The following ZC3H12B variants were observed in gnomAD, a reference collection of about 807,000 sequenced individuals.
The protein encoded by ZC3H12B is probable ribonuclease ZC3H12B.
A neutral mutation model predicts 43.9 loss-of-function variants in ZC3H12B; 7 were observed. That is an observed-to-expected ratio of 0.16 (90% CI 0.09 to 0.30). ZC3H12B has a LOEUF of 0.30. ZC3H12B is among the 10% of genes least tolerant of loss of function. The probability of loss-of-function intolerance (pLI) is 1.00; values close to 1 mark genes in which losing one functional copy is unlikely to be tolerated. For synonymous variants in ZC3H12B, 222 were observed against 241.7 expected, an observed-to-expected ratio of 0.92 and a Z score of 0.76; for missense variants, 475 against 670.2, an observed-to-expected ratio of 0.71 and a Z score of 3.22.
the ZC3H12B span, among the ~76,000 whole-genome samples, chrX:65,116,730 A>G: frequency 9.2e-6 from 1 of 108,807 alleles, no homozygotes; most frequent in Non-Finnish European, 1.9e-5. Context: ...CCCAAACCAC[A>G]ACAGGCCTCA....
the ZC3H12B span, among the ~76,000 whole-genome samples, chrX:65,238,100 T>G: frequency 8.9e-6 from 1 of 111,784 alleles, no homozygotes; most frequent in African/African-American, 3.2e-5. Context: ...CTCAATTTTT[T>G]GGAATAGATT....
At chrX:65,455,735 G>T (rs913446575) in intron 3 of ZC3H12B, among the ~76,000 whole-genome samples, 1 of 111,692 alleles carries the variant, frequency 9.0e-6, no homozygotes, top group Non-Finnish European at 1.9e-5. Context: ...GAGAAAAGTC[G>T]GGTTACCCAC....
intron 2 of ZC3H12B, among the ~76,000 whole-genome samples, chrX:65,387,894 T>G (rs1299241339): frequency 8.9e-6 from 1 of 112,405 alleles, no homozygotes; most frequent in Non-Finnish European, 1.9e-5. Context: ...TCTCCTTCAC[T>G]TATGAAGCTT....
the ZC3H12B span, among the ~76,000 whole-genome samples, chrX:65,134,961 A>G: frequency 1.8e-5 from 2 of 111,129 alleles, no homozygotes; most frequent in African/African-American, 3.3e-5. Context: ...AAGAAATTTC[A>G]TAAGGTAATG....
chrX:65,392,111 G>A (rs1291888131), intron 2 of ZC3H12B, among the ~76,000 whole-genome samples: 1 of 111,074 alleles, frequency 9.0e-6, no homozygotes, highest in Non-Finnish European at 1.9e-5. Context: ...ATCTCGGCTC[G>A]CTACAACCCC....
At chrX:65,346,973 C>A in the ZC3H12B span, among the ~76,000 whole-genome samples, 1 of 112,161 alleles carries the variant, frequency 8.9e-6, no homozygotes, top group East Asian at 2.8e-4. Context: ...ACTGCCTCCT[C>A]AAGTGGGTAC....
the ZC3H12B span, among the ~76,000 whole-genome samples, chrX:65,118,414 T>A: frequency 8.9e-6 from 1 of 112,033 alleles, no homozygotes; most frequent in South Asian, 3.7e-4. Flanking sequence ...ATTGATTTTG[T>A]ATCCTGAGAC....
chrX:65,095,504 C>T, the ZC3H12B span, among the ~76,000 whole-genome samples: 1 of 110,897 alleles, frequency 9.0e-6, no homozygotes, highest in Non-Finnish European at 1.9e-5. Flanking sequence ...AGTACAGAAA[C>T]CCACAAGCAG....
At chrX:65,377,991 C>T (rs1483632657) in intron 2 of ZC3H12B, among the ~76,000 whole-genome samples, 5 of 110,063 alleles carry the variant, frequency 4.5e-5, no homozygotes, top group East Asian at 5.7e-4. Context: ...CCCAGCTACT[C>T]GGGAGACTGA....
intron 2 of ZC3H12B, among the ~76,000 whole-genome samples, chrX:65,374,445 TA>T (rs1275000960): frequency 3.9e-4 from 39 of 99,803 alleles, no homozygotes; most frequent in Non-Finnish European, 3.2e-4. Context: ...ATTTTTAAAG[TA>T]AAAAAAAAAA....
intron 3 of ZC3H12B, among the ~76,000 whole-genome samples, chrX:65,413,283 A>G: frequency 8.9e-6 from 1 of 112,051 alleles, no homozygotes; most frequent in Non-Finnish European, 1.9e-5. Flanking sequence ...TCGTTAAAGT[A>G]CAAAAGGTTT....
chrX:65,180,303 A>G, the ZC3H12B span, among the ~76,000 whole-genome samples: 1 of 112,016 alleles, frequency 8.9e-6, no homozygotes, highest in Non-Finnish European at 1.9e-5. Flanking sequence ...AAATTTCAAC[A>G]TCTCTTTATG....
the ZC3H12B span, among the ~76,000 whole-genome samples, chrX:65,048,446 G>T: frequency 9.0e-6 from 1 of 111,222 alleles, no homozygotes; most frequent in East Asian, 2.8e-4. Flanking sequence ...GGGGTTACAA[G>T]ATCATATGGT....
the ZC3H12B span, among the ~76,000 whole-genome samples, chrX:65,353,764 C>T: frequency 8.1e-5 from 9 of 111,518 alleles, no homozygotes; most frequent in Non-Finnish European, 1.7e-4. Context: ...CTGGGACACT[C>T]GAGCTTGGTG....
chrX:65,373,971 G>GT lies in ZC3H12B; in HGVS notation n.295+4974dup, dbSNP rs1556058083. On this transcript the variant is annotated intron_variant and non_coding_transcript_variant, in intron 2 of 5. Coordinates refer to the ZC3H12B transcript ENST00000617377. Reference sequence around the variant, plus strand: ...GTTATATATATATACTGTATATATAGTATATATATATACTATATATATATA... The same window carrying GT: ...GTTATATATATATACTGTATATATAGTTATATATATATACTATATATATATA... Among the ~76,000 whole-genome samples the GT allele has an allele frequency of 9.4e-4, 39 of 41,343 alleles. 1 individual carries two copies. Among genetic ancestry groups the GT allele is most frequent in the East Asian group, 2.5e-3 (4 of 1,571 alleles). 35.9% of individuals were successfully genotyped at this position (41,343 alleles called of 115,157 possible). A position where few individuals can be genotyped will look rare whatever the true frequency, so the allele number is the denominator to read the frequency against.
the ZC3H12B span, among the ~76,000 whole-genome samples, chrX:65,172,877 C>G: frequency 7.2e-5 from 8 of 111,759 alleles, no homozygotes; most frequent in African/African-American, 2.6e-4. Context: ...CAGCTTTGTT[C>G]TTTTTGCTTA....
At chrX:65,225,565 T>C in the ZC3H12B span, among the ~76,000 whole-genome samples, 1 of 112,055 alleles carries the variant, frequency 8.9e-6, no homozygotes, top group East Asian at 2.8e-4. Flanking sequence ...CTTCAGACGA[T>C]CAAACTACTC....
the ZC3H12B span, among the ~76,000 whole-genome samples, chrX:65,286,838 TG>T: frequency 2.7e-5 from 3 of 110,649 alleles, no homozygotes; most frequent in Non-Finnish European, 3.8e-5. Flanking sequence ...AGTAAAGGGA[TG>T]GAAAAAGTTA....
chrX:65,389,019 C>T (rs181059571), intron 2 of ZC3H12B, among the ~76,000 whole-genome samples: 17 of 111,788 alleles, frequency 1.5e-4, no homozygotes, highest in Admixed American at 5.7e-4. Context: ...GAGGAGTAAG[C>T]GGCTGGGTGA....
Sources: allele counts gnomAD v4.1 joint callset (sites outside exome capture counted in the v4.1 genomes callset), GRCh38; gene constraint gnomAD v4.1.1; transcripts MANE v1.5; gene names NCBI Gene and HGNC (gene_info 2026-07-23, HGNC 2026-07-21).